Variants in FANCB observed in about 807,000 individuals in gnomAD.
FANCB encodes the protein Fanconi anemia group B protein.
Under a neutral mutation model 38.9 loss-of-function variants are expected in FANCB, and 5 were observed. That is an observed-to-expected ratio of 0.13 (90% CI 0.07 to 0.27). The LOEUF (loss-of-function observed/expected upper bound fraction) is 0.27. Among genes scored for constraint, FANCB ranks in the 10% least tolerant of loss-of-function variants. The probability of loss-of-function intolerance (pLI) is 1.00; values close to 1 mark genes in which losing one functional copy is unlikely to be tolerated. For missense variants in FANCB, 573 were observed against 602.7 expected (o/e 0.95, Z 0.52); for synonymous variants, 236 against 215.4 (o/e 1.10, Z -0.84).
At chrX:14,849,048 C>T (rs191522363) in intron 7 of FANCB, among the ~76,000 whole-genome samples, 2 of 111,622 alleles carry the variant, frequency 1.8e-5, no homozygotes. Context: ...CAAATTTACA[C>T]AAACTGCTCC....
the FANCB span, among the ~76,000 whole-genome samples, chrX:14,786,870 G>A: frequency 1.8e-5 from 2 of 111,577 alleles, no homozygotes; most frequent in Non-Finnish European, 3.8e-5. Flanking sequence ...AGAAGAATCT[G>A]TCTATAATCC....
the FANCB span, among the ~76,000 whole-genome samples, chrX:14,748,023 T>G: frequency 1.8e-5 from 2 of 111,918 alleles, no homozygotes; most frequent in African/African-American, 3.2e-5. Context: ...ATTTTTCAAC[T>G]GGTTAACAAC....
intron 3 of FANCB, among the ~76,000 whole-genome samples, chrX:14,864,038 G>A (rs1374556798): frequency 9.0e-6 from 1 of 111,118 alleles, no homozygotes; most frequent in Non-Finnish European, 1.9e-5. Flanking sequence ...GGGAGGCTGA[G>A]GCAGGAGAAC....
the FANCB span, among the ~76,000 whole-genome samples, chrX:14,741,151 G>A: frequency 9.0e-6 from 1 of 111,477 alleles, no homozygotes; most frequent in African/African-American, 3.3e-5. Context: ...TTAATTGGGT[G>A]TATGGAAGGC....
At chrX:14,754,932 G>A in the FANCB span, among the ~76,000 whole-genome samples, 3 of 111,221 alleles carry the variant, frequency 2.7e-5, no homozygotes, top group African/African-American at 6.5e-5. Context: ...GAATATAGAC[G>A]CAAAAATCCT....
chrX:14,834,465 A>G, downstream of FANCB: 2 of 483,823 alleles, frequency 4.1e-6, no homozygotes, highest in Non-Finnish European at 7.5e-6. Flanking sequence ...TGTTTAAACT[A>G]TTTTCTTAAA....
the FANCB span, among the ~76,000 whole-genome samples, chrX:14,820,236 C>T: frequency 1.8e-5 from 2 of 111,024 alleles, no homozygotes; most frequent in Admixed American, 9.6e-5. Flanking sequence ...TTCTCCTTCC[C>T]CTTCTCTCTC....
the FANCB span, chrX:14,731,052 T>G: frequency 8.9e-6 from 1 of 112,441 alleles, no homozygotes; most frequent in South Asian, 3.7e-4. Context: ...AAAACAAGCC[T>G]CCTAAGCTAT....
At chrX:14,763,164 T>C in the FANCB span, among the ~76,000 whole-genome samples, 20 of 111,995 alleles carry the variant, frequency 1.8e-4, no homozygotes, top group African/African-American at 6.2e-4. Flanking sequence ...CTTGATCCTA[T>C]GACCCACTTC....
the FANCB span, among the ~76,000 whole-genome samples, chrX:14,748,741 C>T: frequency 8.9e-5 from 10 of 111,834 alleles, no homozygotes; most frequent in East Asian, 1.7e-3. Flanking sequence ...TAGAGCATCA[C>T]TATCCGGAAA....
the FANCB span, among the ~76,000 whole-genome samples, chrX:14,719,317 A>G: frequency 8.9e-6 from 1 of 112,037 alleles, no homozygotes; most frequent in Non-Finnish European, 1.9e-5. Context: ...TAAGGGATCA[A>G]TATCAAAAAT....
chrX:14,817,391 G>A, the FANCB span, among the ~76,000 whole-genome samples: 2 of 111,413 alleles, frequency 1.8e-5, no homozygotes, highest in Non-Finnish European at 3.8e-5. Flanking sequence ...TCAGACATAA[G>A]GCAAACAAGA....
At chrX:14,811,586 G>C in the FANCB span, among the ~76,000 whole-genome samples, 1 of 111,778 alleles carries the variant, frequency 8.9e-6, no homozygotes, top group African/African-American at 3.3e-5. Flanking sequence ...TTACATAATG[G>C]TAAAGGGATC....
chrX:14,760,996 CAAA>C, the FANCB span, among the ~76,000 whole-genome samples: 1 of 107,274 alleles, frequency 9.3e-6, no homozygotes, highest in African/African-American at 3.4e-5. Flanking sequence ...ACAACAACAA[CAAA>C]AAAAAAACCA....
the FANCB span, among the ~76,000 whole-genome samples, chrX:14,707,512 C>G: frequency 9.1e-6 from 1 of 110,470 alleles, no homozygotes; most frequent in East Asian, 2.9e-4. Context: ...GCATGAATCC[C>G]TTCACCCTGG....
At chrX:14,854,634 C>T (rs1184518713) in intron 5 of FANCB, among the ~76,000 whole-genome samples, 13 of 111,634 alleles carry the variant, frequency 1.2e-4, no homozygotes, top group Admixed American at 5.7e-4. Flanking sequence ...AGGAGCATAT[C>T]GTACTGCACG....
the FANCB span, among the ~76,000 whole-genome samples, chrX:14,736,497 C>T: frequency 1.8e-5 from 2 of 111,571 alleles, no homozygotes; most frequent in South Asian, 3.8e-4. Context: ...GGAGGGAGTT[C>T]CCCGACCCCT....
chrX:14,718,727 C>T, the FANCB span, among the ~76,000 whole-genome samples: 1 of 112,031 alleles, frequency 8.9e-6, no homozygotes, highest in Non-Finnish European at 1.9e-5. Flanking sequence ...TGTGGCTTGA[C>T]TTCCTCACAG....
chrX:14,822,588 A>G, the FANCB span, among the ~76,000 whole-genome samples: 1 of 109,447 alleles, frequency 9.1e-6, no homozygotes, highest in South Asian at 4.0e-4. Flanking sequence ...CTTTCTAAGA[A>G]TAATATACAT....
Sources: allele counts gnomAD v4.1 joint callset (sites outside exome capture counted in the v4.1 genomes callset), GRCh38; gene constraint gnomAD v4.1.1; transcripts MANE v1.5; gene names NCBI Gene and HGNC (gene_info 2026-07-23, HGNC 2026-07-21).